MAN2A1: variants seen among roughly 807,000 people sequenced by gnomAD.
MAN2A1 encodes alpha-mannosidase 2.
In MAN2A1, 76 loss-of-function variants were observed where a neutral mutation model predicts 142.6. That is an observed-to-expected ratio of 0.53 (90% confidence interval 0.44 to 0.65). MAN2A1 has a LOEUF of 0.65. Among genes scored for constraint, MAN2A1 ranks in the 30% least tolerant of loss-of-function variants. MAN2A1 has a pLI of 0.00. For synonymous variants in MAN2A1, 559 were observed against 473.2 expected (o/e 1.18, Z -2.35); for missense variants, 1,311 against 1,365.1 (o/e 0.96, Z 0.62).
In MAN2A1 at chr5:109,852,575, G is replaced by A. The variant is rs377485571; in HGVS notation, c.2977-2565G>A. On this transcript the variant is annotated intron_variant, in intron 19 of 21. Transcript: ENST00000261483. The stretch of plus-strand genomic sequence containing the variant: ...GGCTGGAACCCAGTGAGGAAGAGCT[G>A]TACTTTGTGTGGTTTGGATCAGAAG... Among the ~76,000 whole-genome samples, 15 of 152,258 alleles carry A rather than the reference G, an allele frequency of 9.9e-5. No individual in the cohort carries two copies. In the South Asian group the frequency reaches 3.1e-3, roughly 32 times the overall value.
chr5:109,734,466 G>T (rs1250111924), intron 4 of MAN2A1, among the ~76,000 whole-genome samples: 2 of 152,048 alleles, frequency 1.3e-5, no homozygotes, highest in African/African-American at 4.8e-5. Context: ...TGATGTTAGG[G>T]TGTCAATTTT....
intron 5 of MAN2A1, among the ~76,000 whole-genome samples, chr5:109,758,767 G>A (rs1399257145): frequency 6.7e-6 from 1 of 150,354 alleles, no homozygotes; most frequent in Non-Finnish European, 1.5e-5. Context: ...GTTAATATTT[G>A]TATATGATGT....
intron 19 of MAN2A1, among the ~76,000 whole-genome samples, chr5:109,848,577 C>G (rs1580314723): frequency 6.6e-6 from 1 of 152,096 alleles, no homozygotes. Context: ...TCCCATCTCT[C>G]CTCCTGTTAC....
intron 1 of MAN2A1, among the ~76,000 whole-genome samples, chr5:109,703,280 C>T (rs1271844578): frequency 6.6e-6 from 1 of 152,216 alleles, no homozygotes; most frequent in African/African-American, 2.4e-5. Flanking sequence ...CATATCCTAA[C>T]ATGCAATACA....
intron 3 of MAN2A1, among the ~76,000 whole-genome samples, chr5:109,720,367 G>C (rs1247880338): frequency 1.3e-5 from 2 of 152,078 alleles, no homozygotes; most frequent in African/African-American, 4.8e-5. Context: ...AGGGTGATTA[G>C]GACTTTTTGC....
chr5:109,778,182 T>A (rs748532552), intron 8 of MAN2A1, among the ~76,000 whole-genome samples: 1 of 152,076 alleles, frequency 6.6e-6, no homozygotes. Context: ...ATCTAATCGA[T>A]GAACGTGGTG....
At chr5:109,742,464 T>C (rs893951535) in intron 4 of MAN2A1, among the ~76,000 whole-genome samples, 6 of 152,224 alleles carry the variant, frequency 3.9e-5, no homozygotes, top group Admixed American at 3.3e-4. Context: ...TCCCCTAGGT[T>C]TATATTTAAG....
At chr5:109,698,189 T>TA (rs1750868842) in intron 1 of MAN2A1, among the ~76,000 whole-genome samples, 1 of 152,180 alleles carries the variant, frequency 6.6e-6, no homozygotes. Flanking sequence ...AGAGCTCAGG[T>TA]ATAGGTATCT....
chr5:109,852,129 G>C (rs1055080548), intron 19 of MAN2A1, among the ~76,000 whole-genome samples: 25 of 133,174 alleles, frequency 1.9e-4, no homozygotes, highest in Admixed American at 1.6e-3. Flanking sequence ...TTTTATTAAA[G>C]AGTTGGCTTA....
intron 1 of MAN2A1, among the ~76,000 whole-genome samples, chr5:109,708,257 A>T (rs1482174170): frequency 6.6e-6 from 1 of 152,108 alleles, no homozygotes; most frequent in Non-Finnish European, 1.5e-5. Flanking sequence ...CGGATAAGGT[A>T]AGGGCAGAGT....
At chr5:109,805,799 G>C (rs1754148902) in intron 12 of MAN2A1, among the ~76,000 whole-genome samples, 1 of 152,172 alleles carries the variant, frequency 6.6e-6, no homozygotes, top group African/African-American at 2.4e-5. Flanking sequence ...TAAACACCAG[G>C]AAAGGAAGTT....
At chr5:109,808,319 T>C (rs1248148934) in intron 12 of MAN2A1, among the ~76,000 whole-genome samples, 1 of 152,248 alleles carries the variant, frequency 6.6e-6, no homozygotes, top group Admixed American at 6.5e-5. Flanking sequence ...CATCCAAAGC[T>C]ATTAAAAGGA....
chr5:109,861,155 C>T (rs1371523105), intron 20 of MAN2A1, among the ~76,000 whole-genome samples: 1 of 152,090 alleles, frequency 6.6e-6, no homozygotes, highest in Non-Finnish European at 1.5e-5. Context: ...TCAGGCTACT[C>T]CTTAGTAACA....
intron 4 of MAN2A1, among the ~76,000 whole-genome samples, chr5:109,748,010 T>G (rs1187312330): frequency 2.0e-5 from 3 of 152,202 alleles, no homozygotes; most frequent in African/African-American, 7.2e-5. Flanking sequence ...GGAGAATCTT[T>G]TAGTAAAGTC....
intron 1 of MAN2A1, 80 bp downstream of exon 1, chr5:109,690,632 T>G: frequency 6.9e-7 from 1 of 1,453,594 alleles, no homozygotes; most frequent in Non-Finnish European, 9.3e-7. Flanking sequence ...ACCCAACCTC[T>G]TCCTCCCGCC....
At chr5:109,861,573 A>T (rs1755761100) in intron 20 of MAN2A1, among the ~76,000 whole-genome samples, 1 of 152,232 alleles carries the variant, frequency 6.6e-6, no homozygotes, top group African/African-American at 2.4e-5. Context: ...AACTTTATTT[A>T]AAGCTCTCAC....
At chr5:109,847,827 G>C in intron 19 of MAN2A1, 37 bp downstream of exon 19, 1 of 1,385,744 alleles carries the variant, frequency 7.2e-7, no homozygotes, top group Non-Finnish European at 9.5e-7. Context: ...GATATTGATT[G>C]TTCTTTGTCA....
Position 109,819,788 on chromosome 5 carries a change from C to G in MAN2A1, c.2229C>G (p.Ser743Arg). The change falls in exon 14 of 22, where the codon AGC (serine) becomes AGG (arginine). Residue 743 changes from serine (S) to arginine (R), a missense_variant. Ser to Arg is a moderately radical substitution (Grantham distance 110). Around this residue, in one of 3 missense-constraint regions of MAN2A1, gnomAD observed 890 missense variants for 920.5 expected, o/e 0.97. Coordinates refer to ENST00000261483, the MANE Select transcript of MAN2A1 (RefSeq NM_002372.4). ...YVLYKNKVED[S>R]GIFTIKNMIN... ...TGTATAAGAATAAAGTAGAAGATAG[C>G]GGAATTTTCACCATAAAGAATATGA... 6.2e-7 allele frequency: 1 copy of G among 1,608,608 alleles called. No individual in the cohort carries two copies. Among genetic ancestry groups the G allele is most frequent in the Non-Finnish European group, 8.5e-7 (1 of 1,176,176 alleles).
At chr5:109,716,655 A>G (rs537570570) in intron 3 of MAN2A1, among the ~76,000 whole-genome samples, 1 of 152,340 alleles carries the variant, frequency 6.6e-6, no homozygotes, top group South Asian at 2.1e-4. Context: ...TTGAATCTTT[A>G]AAATAAAGAA....
Sources: gnomAD v4.1 joint callset for allele counts (sites outside exome capture counted in the v4.1 genomes callset) on GRCh38, gnomAD v4.1.1 for gene constraint, gnomAD v4.1.1 regional missense constraint, MANE v1.5 for transcripts, NCBI Gene and HGNC (gene_info 2026-07-23, HGNC 2026-07-21) for gene names.